RABEP2: variants seen among roughly 807,000 people sequenced by gnomAD.
RABEP2 encodes the protein rab GTPase-binding effector protein 2.
RABEP2 carries 57 observed loss-of-function variants against 74.1 expected under a neutral mutation model. The ratio of observed to expected loss-of-function variants is 0.77; its 90% confidence interval spans 0.62 to 0.96. The LOEUF (loss-of-function observed/expected upper bound fraction) is 0.96. RABEP2 is among the 40% of genes least tolerant of loss of function. RABEP2 has a pLI of 0.00. For missense variants in RABEP2, 692 were observed against 756.3 expected, an observed-to-expected ratio of 0.91 and a Z score of 1.00; for synonymous variants, 351 against 344.0, an observed-to-expected ratio of 1.02 and a Z score of -0.23.
intron 2 of RABEP2, 120 bp downstream of exon 2, chr16:28,924,283 C>A: frequency 1.0e-6 from 1 of 986,232 alleles, no homozygotes. Context: ...CATAGGCATG[C>A]CCTGTGCCAG....
In RABEP2 at chr16:28,914,805, G is replaced by A. The variant is rs201294204; in HGVS notation, c.433-23C>T. On this transcript the variant is annotated intron_variant, in intron 3 of 12. Coordinates refer to ENST00000358201, the MANE Select transcript of RABEP2 (RefSeq NM_024816.3). ...GGCCTGGAGGGAGCGGGGTGTGGCA[G>A]CAATAGTTCCCCCTCCAAAGTGCTG... 24 of 1,604,420 alleles carry A rather than the reference G, an allele frequency of 1.5e-5. No homozygotes were observed. The Admixed American group carries it at 3.7e-4, about 25-fold the overall frequency.
In RABEP2 at chr16:28,925,174, C is replaced by A. The variant is rs1397141257; in HGVS notation, c.-11G>T. ...CGCAGCTGCCGCCATTGCCTCAGCGCAAACGGCGGATTCCCGCACTCCCTG... is the reference window on the plus strand; with the variant it reads ...CGCAGCTGCCGCCATTGCCTCAGCGAAAACGGCGGATTCCCGCACTCCCTG... On this transcript the variant is annotated 5_prime_UTR_variant, in exon 1 of 13. Coordinates refer to ENST00000358201, the MANE Select transcript of RABEP2 (RefSeq NM_024816.3). 2.6e-6 allele frequency: 4 copies of A among 1,527,784 alleles called. No homozygotes were observed. The highest frequency in any genetic ancestry group is 1.4e-5 in the African/African-American group (1 of 72,404). The allele number at this position is 1,527,784 out of a possible 1,614,324, so 94.6% of individuals were successfully genotyped here. A position where few individuals can be genotyped will look rare whatever the true frequency, so the allele number is the denominator to read the frequency against.
In RABEP2 at chr16:28,904,844, A is replaced by G. The variant is rs899868661; in HGVS notation, c.*99T>C. On this transcript the variant is annotated 3_prime_UTR_variant, in exon 13 of 13. Transcript: ENST00000358201. ...AGTCCCCTCAACCCCAGTCTCAGGG[A>G]CGGTGGAAAAGCCATCCAAGACCCC... 1.7e-5 allele frequency: 15 copies of G among 905,676 alleles called. No individual in the cohort carries two copies. In the Middle Eastern group the frequency reaches 6.6e-4, roughly 40 times the overall value. 56.1% of individuals were successfully genotyped at this position (905,676 alleles called of 1,614,324 possible).
At chr16:28,906,584 G>A (rs1221361940) in intron 8 of RABEP2, among the ~76,000 whole-genome samples, 2 of 152,118 alleles carry the variant, frequency 1.3e-5, no homozygotes. Flanking sequence ...GGCCAATATG[G>A]TGAAACTCCG....
chr16:28,921,647 ATTTTTTTTTTT>A (rs56325875), intron 2 of RABEP2, among the ~76,000 whole-genome samples: 1 of 113,426 alleles, frequency 8.8e-6, no homozygotes, highest in Non-Finnish European at 1.7e-5. Context: ...TAGAACATAG[ATTTTTTTTTTT>A]TTTTTTTTTT....
chr16:28,909,842 G>C (rs1964286492), intron 7 of RABEP2, among the ~76,000 whole-genome samples: 1 of 151,690 alleles, frequency 6.6e-6, no homozygotes, highest in Non-Finnish European at 1.5e-5. Flanking sequence ...GGCTAACACG[G>C]TGAAACCCCG....
At chr16:28,924,906 C>CCTGTCA in intron 1 of RABEP2, 197 bp downstream of exon 1, 1 of 807,856 alleles carries the variant, frequency 1.2e-6, no homozygotes, top group Non-Finnish European at 2.1e-6. Context: ...CCACTTCGCA[C>CCTGTCA]CTGTCACTGG....
intron 3 of RABEP2, chr16:28,917,808 C>T (rs1250567945): frequency 6.6e-6 from 1 of 152,276 alleles, no homozygotes; most frequent in East Asian, 1.9e-4. Context: ...CTGGGGAACA[C>T]TCCGGATGCA....
At chr16:28,916,773 CAGG>C (rs898931576) in intron 3 of RABEP2, among the ~76,000 whole-genome samples, 1 of 151,442 alleles carries the variant, frequency 6.6e-6, no homozygotes, top group Non-Finnish European at 1.5e-5. Context: ...ATCACAAGGT[CAGG>C]AGTTCAAGAC....
At chr16:28,912,538 A>T (rs999497130) in intron 5 of RABEP2, among the ~76,000 whole-genome samples, 1 of 151,394 alleles carries the variant, frequency 6.6e-6, no homozygotes, top group Admixed American at 6.6e-5. Context: ...AACCTCTCGA[A>T]GTAGCCTGGA....
At chr16:28,921,165 T>G (rs960468070) in intron 2 of RABEP2, 2 of 455,604 alleles carry the variant, frequency 4.4e-6, no homozygotes, top group African/African-American at 4.0e-5. Context: ...CACCCGGCCC[T>G]TAATCGTAGT....
intron 2 of RABEP2, 80 bp downstream of exon 2, chr16:28,924,323 T>C: frequency 7.2e-7 from 1 of 1,394,696 alleles, no homozygotes; most frequent in Non-Finnish European, 1.0e-6. Flanking sequence ...CCATAGCTTA[T>C]CTGTGCCCCC....
rs1383503237 is a variant in RABEP2 at position 28,911,191 on chromosome 16, C to A, written c.895-12G>T. 2 of 1,606,280 alleles carry A rather than the reference C, an allele frequency of 1.2e-6. No individual in the cohort carries two copies. Among genetic ancestry groups the A allele is most frequent in the South Asian group, 2.2e-5 (2 of 90,780 alleles). Reference sequence around the variant, plus strand: ...TGCAGCTGTCGGCCCTGCCACAGACCCTGCCTTCAGCCTGCATCTCCCAGG... The same window carrying A: ...TGCAGCTGTCGGCCCTGCCACAGACACTGCCTTCAGCCTGCATCTCCCAGG... On this transcript the variant is annotated splice_polypyrimidine_tract_variant and intron_variant, in intron 5 of 12. Coordinates refer to ENST00000358201, the MANE Select transcript of RABEP2 (RefSeq NM_024816.3).
chr16:28,924,410 G>T lies in RABEP2; in HGVS notation c.267C>A (p.Ile89=). The part of the protein sequence containing the change: ...CQEEVASLQA[I]LKDSISSYEA... ...GTGAGTCCCGCGTCTCACCTTTCAG[G>T]ATGGCCTGCAGCGAGGCCACCTCCT... is the stretch of plus-strand genomic sequence containing the variant. Residue 89 remains isoleucine, a synonymous_variant, in exon 2 of 13, where the codon ATC becomes ATA. Coordinates refer to ENST00000358201, the MANE Select transcript of RABEP2 (RefSeq NM_024816.3). 6.2e-7 allele frequency: 1 copy of T among 1,612,296 alleles called. No individual in the cohort carries two copies.
At chr16:28,908,501 C>A in intron 8 of RABEP2, 108 bp downstream of exon 8, 1 of 1,247,966 alleles carries the variant, frequency 8.0e-7, no homozygotes. Context: ...ATGAGTTAGC[C>A]AAGCAAATAC....
chr16:28,904,886 G>A lies in RABEP2; in HGVS notation c.*57C>T. 1 of 1,347,734 alleles carries A rather than the reference G, an allele frequency of 7.4e-7. No homozygotes were observed. The highest frequency in any genetic ancestry group is 1.0e-6 in the Non-Finnish European group (1 of 952,408). 83.5% of individuals were successfully genotyped at this position (1,347,734 alleles called of 1,614,324 possible). ...CAAGACCCCAGAGCGAGGCCTCATG[G>A]TTCAGGAGTGGGGAAAGGCGTCTTT... On this transcript the variant is annotated 3_prime_UTR_variant, in exon 13 of 13. Transcript: ENST00000358201.
At position 28,905,894 on chromosome 16, in the gene RABEP2, AAAGAGAGGTC is replaced by A; in HGVS notation, c.1424-26_1424-17del. ...TCCAGCACCTCTGTGGGAAGGAAAG[AAAGAGAGGTC>A]AAGGCCAGCCTCTCTCCCCTCCCCG... On this transcript the variant is annotated splice_polypyrimidine_tract_variant and intron_variant, in intron 9 of 12. Coordinates refer to ENST00000358201, the MANE Select transcript of RABEP2 (RefSeq NM_024816.3). 1 of 1,613,612 alleles carries A rather than the reference AAAGAGAGGTC, an allele frequency of 6.2e-7. No individual in the cohort carries two copies. Among genetic ancestry groups the A allele is most frequent in the South Asian group, 1.1e-5 (1 of 91,086 alleles).
chr16:28,913,212 G>T (rs1303153985), intron 5 of RABEP2, among the ~76,000 whole-genome samples: 6 of 152,092 alleles, frequency 3.9e-5, no homozygotes, highest in East Asian at 1.9e-4. Flanking sequence ...TTACAGGCAT[G>T]AGCCACCGCG....
intron 3 of RABEP2, among the ~76,000 whole-genome samples, chr16:28,919,403 G>C (rs1964438158): frequency 6.6e-6 from 1 of 152,204 alleles, no homozygotes; most frequent in Non-Finnish European, 1.5e-5. Context: ...ACCTGCCTTG[G>C]CCTCCCAAAG....
Sources: gnomAD v4.1 joint callset for allele counts (sites outside exome capture counted in the v4.1 genomes callset) on GRCh38, gnomAD v4.1.1 for gene constraint, MANE v1.5 for transcripts, NCBI Gene and HGNC (gene_info 2026-07-23, HGNC 2026-07-21) for gene names.